PRDM16: variants seen among roughly 807,000 people sequenced by gnomAD.
PRDM16 encodes histone-lysine N-methyltransferase PRDM16.
PRDM16 carries 23 observed loss-of-function variants against 110.6 expected under a neutral mutation model. That is an observed-to-expected ratio of 0.21 (90% CI 0.15 to 0.29). The LOEUF is 0.29. Ranked by LOEUF, PRDM16 falls within the 10% of genes least tolerant of loss-of-function variation. PRDM16 has a pLI of 1.00. For missense variants in PRDM16, 1,615 were observed against 1,794.3 expected (o/e 0.90, Z 1.81); for synonymous variants, 799 against 781.8 (o/e 1.02, Z -0.37).
chr1:3,326,664 G>A (rs567022104), intron 3 of PRDM16, among the ~76,000 whole-genome samples: 3 of 152,316 alleles, frequency 2.0e-5, no homozygotes, highest in African/African-American at 2.4e-5. Context: ...TTAGAGGAGC[G>A]GGGAACAGGG....
At chr1:3,301,799 C>A (rs1160303847) in intron 3 of PRDM16, among the ~76,000 whole-genome samples, 1 of 152,214 alleles carries the variant, frequency 6.6e-6, no homozygotes, top group Non-Finnish European at 1.5e-5. Flanking sequence ...CACACCTGAG[C>A]CACATTCTGT....
chr1:3,434,986 C>T lies in PRDM16; in HGVS notation c.*1175C>T, dbSNP rs962833309. On this transcript the variant is annotated 3_prime_UTR_variant, in exon 17 of 17. Transcript: ENST00000270722. ...ACCTGTGCCTGAGACTCCGGATGGA[C>T]GACACAGTCGTCACGTCGCTCTTCC... 3.5e-5 allele frequency: 8 copies of T among 228,122 alleles called. No individual in the cohort carries two copies. Among genetic ancestry groups the T allele is most frequent in the Non-Finnish European group, 2.6e-5 (3 of 114,776 alleles). 14.1% of individuals were successfully genotyped at this position (228,122 alleles called of 1,614,324 possible). A position where few individuals can be genotyped will look rare whatever the true frequency, so the allele number is the denominator to read the frequency against.
chr1:3,193,517 C>T (rs911184079), intron 2 of PRDM16, among the ~76,000 whole-genome samples: 3 of 152,210 alleles, frequency 2.0e-5, no homozygotes, highest in Admixed American at 2.0e-4. Flanking sequence ...TCCCTTTGCA[C>T]CCCTGGAGCT....
Position 3,402,854 on chromosome 1 carries a change from G to T in PRDM16, c.740G>T (p.Arg247Leu). The T allele has an allele frequency of 1.9e-6, 3 of 1,613,052 alleles. No individual in the cohort carries two copies. Among genetic ancestry groups the T allele is most frequent in the African/African-American group, 1.3e-5 (1 of 75,038 alleles). ...TTCCAGTCCAAGCTGGACCTGCGGC[G>T]CCATAAGAAGTACACGTGTGGCTCA... ...ELFQSKLDLR[R>L]HKKYTCGSVG... is the part of the protein sequence containing the mutation. Residue 247 changes from arginine (R) to leucine (L), a missense_variant, in exon 6 of 17, where the codon CGC becomes CTC. Arg to Leu is a moderately radical substitution (Grantham distance 102, BLOSUM62 -2). Transcript: ENST00000270722.
intron 1 of PRDM16, among the ~76,000 whole-genome samples, chr1:3,146,920 GT>G (rs1245321991): frequency 1.3e-4 from 9 of 69,806 alleles, no homozygotes; most frequent in Admixed American, 3.3e-4. Context: ...GTGTGGGGGG[GT>G]GTGTGTGCAC....
intron 1 of PRDM16, among the ~76,000 whole-genome samples, chr1:3,177,647 A>G (rs1315613109): frequency 6.6e-6 from 1 of 152,178 alleles, no homozygotes; most frequent in African/African-American, 2.4e-5. Flanking sequence ...TCAGTGCTCT[A>G]TTGTCTGATT....
intron 1 of PRDM16, among the ~76,000 whole-genome samples, chr1:3,091,844 A>G (rs548820187): frequency 6.6e-6 from 1 of 152,292 alleles, no homozygotes; most frequent in East Asian, 1.9e-4. Context: ...CCTGGAGAGA[A>G]AGGGCCTGTC....
intron 1 of PRDM16, among the ~76,000 whole-genome samples, chr1:3,111,979 G>A (rs1035863066): frequency 3.9e-5 from 6 of 152,332 alleles, no homozygotes; most frequent in Admixed American, 2.0e-4. Context: ...CCGGCGCGGC[G>A]GCGAGGGAGG....
chr1:3,131,851 T>C (rs573785382), intron 1 of PRDM16, among the ~76,000 whole-genome samples: 1 of 152,312 alleles, frequency 6.6e-6, no homozygotes, highest in Non-Finnish European at 1.5e-5. Context: ...ACCCGCCTGC[T>C]TCCCCTCCAC....
At chr1:3,297,994 G>T (rs34287891) in intron 3 of PRDM16, among the ~76,000 whole-genome samples, 4,032 of 137,976 alleles carry the variant, frequency 0.029, 302 homozygotes, top group East Asian at 0.25. Flanking sequence ...GGCAAGCTCC[G>T]CAGGGGAAGG....
At chr1:3,319,896 G>A (rs1029433629) in intron 3 of PRDM16, among the ~76,000 whole-genome samples, 1 of 152,230 alleles carries the variant, frequency 6.6e-6, no homozygotes, top group African/African-American at 2.4e-5. Flanking sequence ...GCCAGGACCA[G>A]CCATGTTGGG....
At chr1:3,371,179 A>G (rs1225249745) in intron 3 of PRDM16, among the ~76,000 whole-genome samples, 1 of 71,858 alleles carries the variant, frequency 1.4e-5, no homozygotes, top group African/African-American at 1.2e-4. Flanking sequence ...TCCACCATCT[A>G]TCCATCCATC....
In PRDM16 at chr1:3,243,254, G is replaced by A. The variant is rs960275447; in HGVS notation, c.388-833G>A. ...GCACCTGCATGGCACTAGGCACAGC[G>A]GCTTTTCTGCCTTAGCTCCATTTCC... On this transcript the variant is annotated intron_variant, in intron 2 of 16. Coordinates refer to ENST00000270722, the MANE Select transcript of PRDM16 (RefSeq NM_022114.4). The surrounding 1 kb of genome is among the most constrained non-coding windows in gnomAD (Gnocchi z 5.5). Among the ~76,000 whole-genome samples, 24 of 152,200 alleles carry A rather than the reference G, an allele frequency of 1.6e-4. No homozygotes were observed. Among genetic ancestry groups the A allele is most frequent in the Non-Finnish European group, 2.2e-4 (15 of 68,036 alleles).
At chr1:3,383,733 T>C (rs997443632) in intron 3 of PRDM16, among the ~76,000 whole-genome samples, 12 of 152,080 alleles carry the variant, frequency 7.9e-5, no homozygotes, top group African/African-American at 2.9e-4. Context: ...CAGCCTCCAC[T>C]GTTTTCACTT....
chr1:3,416,384 G>A (rs982598074), intron 10 of PRDM16, among the ~76,000 whole-genome samples: 1 of 152,160 alleles, frequency 6.6e-6, no homozygotes, highest in Non-Finnish European at 1.5e-5. Flanking sequence ...GGGCAGCCAG[G>A]GCTAGGGTCT....
chr1:3,114,305 G>A (rs1391475702), intron 1 of PRDM16, among the ~76,000 whole-genome samples: 8 of 141,538 alleles, frequency 5.7e-5, no homozygotes, highest in Non-Finnish European at 7.5e-5. Flanking sequence ...GCACACGCAC[G>A]CACACACACG....
chr1:3,191,390 A>AC (rs940741660), intron 2 of PRDM16, among the ~76,000 whole-genome samples: 6 of 151,704 alleles, frequency 4.0e-5, no homozygotes, highest in South Asian at 2.1e-4. Flanking sequence ...CCATCATGGG[A>AC]CCCCCAAGCC....
chr1:3,092,122 G>GGTGC (rs1642291496), intron 1 of PRDM16, among the ~76,000 whole-genome samples: 1 of 104,768 alleles, frequency 9.5e-6, no homozygotes, highest in Admixed American at 7.9e-5. Flanking sequence ...ACTGCTGCAT[G>GGTGC]CTTGGTGTTA....
At chr1:3,164,271 T>C (rs1643925010) in intron 1 of PRDM16, among the ~76,000 whole-genome samples, 1 of 152,240 alleles carries the variant, frequency 6.6e-6, no homozygotes, top group Non-Finnish European at 1.5e-5. Context: ...TGTCCTGGGG[T>C]TGGCGAACAG....
Sources: allele counts gnomAD v4.1 joint callset (sites outside exome capture counted in the v4.1 genomes callset), GRCh38; gene constraint gnomAD v4.1.1; non-coding constraint Gnocchi (gnomAD v3.1); transcripts MANE v1.5; gene names NCBI Gene and HGNC (gene_info 2026-07-23, HGNC 2026-07-21).